LRRIQ1: variants seen among roughly 807,000 people sequenced by gnomAD.
The protein encoded by LRRIQ1 is leucine-rich repeat- and IQ domain-containing protein 1.
A neutral mutation model predicts 211.9 loss-of-function variants in LRRIQ1; 210 were observed. The observed-to-expected ratio is 0.99, with a 90% CI of 0.89 to 1.11. The LOEUF (loss-of-function observed/expected upper bound fraction) is 1.11, where lower values mean the gene tolerates loss of function less well. Ranked by LOEUF, LRRIQ1 falls within the 50% of genes most tolerant of loss-of-function variation. LRRIQ1 has a pLI of 0.00. For synonymous variants in LRRIQ1, 699 were observed against 650.1 expected (o/e 1.08, Z -1.14); for missense variants, 2,136 against 1,939.5 (o/e 1.10, Z -1.90).
intron 9 of LRRIQ1, 139 bp downstream of exon 9, chr12:85,065,553 T>A (rs961122399): frequency 4.9e-6 from 3 of 615,360 alleles, no homozygotes; most frequent in Non-Finnish European, 7.3e-6. Context: ...TCAGGTGGTA[T>A]GGTAAAGTTT....
chr12:85,260,269 A>T (rs143719431), intron 1 of LRRIQ1, among the ~76,000 whole-genome samples: 1 of 151,996 alleles, frequency 6.6e-6, no homozygotes, highest in South Asian at 2.1e-4. Flanking sequence ...CTGAGATTCA[A>T]TTCATACACT....
chr12:85,092,358 A>ATT (rs1216973055), intron 11 of LRRIQ1, among the ~76,000 whole-genome samples: 19 of 152,248 alleles, frequency 1.2e-4, no homozygotes, highest in African/African-American at 4.3e-4. Context: ...TATTTTATTT[A>ATT]TCATTTCCAT....
intron 26 of LRRIQ1, among the ~76,000 whole-genome samples, chr12:85,236,129 T>C (rs73165926): frequency 1.0e-3 from 156 of 152,188 alleles, no homozygotes; most frequent in Non-Finnish European, 1.9e-3. Context: ...TTCAGAAGGT[T>C]CAAAGATCCA....
chr12:85,229,911 A>G (rs1253043647), intron 25 of LRRIQ1, among the ~76,000 whole-genome samples: 3 of 152,232 alleles, frequency 2.0e-5, no homozygotes, highest in African/African-American at 7.2e-5. Context: ...TCTATAAAGT[A>G]AAAAATGTGG....
At chr12:85,262,140 A>G (rs1256029928) in intron 1 of LRRIQ1, among the ~76,000 whole-genome samples, 1 of 152,130 alleles carries the variant, frequency 6.6e-6, no homozygotes, top group Non-Finnish European at 1.5e-5. Flanking sequence ...TACTGAGTAA[A>G]CATTCTGAAT....
At position 85,057,995 on chromosome 12, in the gene LRRIQ1, T is replaced by G. The variant is rs115675660; in HGVS notation, c.2391+811T>G. On this transcript the variant is annotated intron_variant, in intron 8 of 26. Transcript: ENST00000393217. ...TCATATTAATAGATAAACATTATTTTGTTTATTCACTCAGCAAATATTCAT... is the reference window on the plus strand; with the variant it reads ...TCATATTAATAGATAAACATTATTTGGTTTATTCACTCAGCAAATATTCAT... 7.3e-3 allele frequency among the ~76,000 whole-genome samples: 1,106 copies of G among 152,160 alleles called. 21 individuals carry two copies. The highest frequency in any genetic ancestry group is 0.025 in the African/African-American group (1,047 of 41,566).
In LRRIQ1 at chr12:85,081,293, G is replaced by A. The variant is rs148829912; in HGVS notation, c.2887+8195G>A. Among the ~76,000 whole-genome samples, 198 of 152,142 alleles carry A rather than the reference G, an allele frequency of 1.3e-3. 1 individual carries two copies. Among genetic ancestry groups the A allele is most frequent in the African/African-American group, 4.6e-3 (190 of 41,510 alleles). On this transcript the variant is annotated intron_variant, in intron 11 of 26. Coordinates refer to ENST00000393217, the MANE Select transcript of LRRIQ1 (RefSeq NM_001079910.2). ...GGTAGTACCATTTTAATCCTTTAAT[G>A]TCTTGAGCAGATATGTTTATATAAT...
rs541937604 is a variant in LRRIQ1 at position 85,129,350 on chromosome 12, G to A, written c.4209+1317G>A. On this transcript the variant is annotated intron_variant, in intron 18 of 26. Transcript: ENST00000393217. The stretch of plus-strand genomic sequence containing the variant: ...AATAAAATAAGATCTGTAGAAATTC[G>A]TGTTAAATGATAGTAATTAAACAAA... Among the ~76,000 whole-genome samples, 14 of 152,260 alleles carry A rather than the reference G, an allele frequency of 9.2e-5. 1 individual carries two copies. Among genetic ancestry groups the A allele is most frequent in the Admixed American group, 2.6e-4 (4 of 15,292 alleles).
At chr12:85,260,735 G>C (rs1896261655) in intron 1 of LRRIQ1, among the ~76,000 whole-genome samples, 1 of 152,102 alleles carries the variant, frequency 6.6e-6, no homozygotes, top group South Asian at 2.1e-4. Context: ...CAAGATGAGG[G>C]TTTACTATTA....
chr12:85,185,342 G>A (rs1892174809), intron 24 of LRRIQ1, among the ~76,000 whole-genome samples: 1 of 151,590 alleles, frequency 6.6e-6, no homozygotes, highest in Non-Finnish European at 1.5e-5. Context: ...AATATTAAAG[G>A]TAAGGATTTT....
chr12:85,044,672 A>T, intron 3 of LRRIQ1, 46 bp from the exon 4 acceptor site: 1 of 974,872 alleles, frequency 1.0e-6, no homozygotes, highest in Non-Finnish European at 1.6e-6. Context: ...GAGATGTTGT[A>T]TTGTACTCTA....
chr12:85,075,547 C>T lies in LRRIQ1; in HGVS notation c.2887+2449C>T, dbSNP rs1217947455. Among the ~76,000 whole-genome samples the T allele has an allele frequency of 3.9e-5, 6 of 151,930 alleles. No individual in the cohort carries two copies. In the East Asian group the frequency reaches 1.2e-3, roughly 29 times the overall value. ...TGGTGGTGGTGGGGATATTGCCATA[C>T]ACTTTTAAATAACCAGATCTTGTGA... On this transcript the variant is annotated intron_variant, in intron 11 of 26. Coordinates refer to ENST00000393217, the MANE Select transcript of LRRIQ1 (RefSeq NM_001079910.2).
At chr12:85,062,205 AACTTTT>A (rs1490557611) in intron 8 of LRRIQ1, among the ~76,000 whole-genome samples, 5 of 151,906 alleles carry the variant, frequency 3.3e-5, no homozygotes, top group African/African-American at 1.2e-4. Context: ...AATGATTTTT[AACTTTT>A]ACTTTAAGTT....
rs1166017785 is a variant in LRRIQ1, at chr12:85,175,300, T to G, written c.4822+14586T>G. 2.0e-5 allele frequency among the ~76,000 whole-genome samples: 3 copies of G among 152,128 alleles called. No individual in the cohort carries two copies. The South Asian group carries it at 6.2e-4, about 31-fold the overall frequency. ...CTCAAGATGACAGCTCACACGGGCT[T>G]AGAGAATAAACATTCCATGATGACA... is the stretch of plus-strand genomic sequence containing the variant. On this transcript the variant is annotated intron_variant, in intron 24 of 26. Transcript: ENST00000393217.
chr12:85,198,891 T>C (rs1046417584), intron 24 of LRRIQ1, among the ~76,000 whole-genome samples: 1 of 152,142 alleles, frequency 6.6e-6, no homozygotes, highest in Admixed American at 6.6e-5. Flanking sequence ...TTTTATATGT[T>C]TGTTGGCCGA....
Position 85,121,859 on chromosome 12 carries a change from T to C in LRRIQ1, c.3540T>C (p.Asn1180=). 2 of 1,604,744 alleles carry C rather than the reference T, an allele frequency of 1.2e-6. No individual in the cohort carries two copies. Among genetic ancestry groups the C allele is most frequent in the Non-Finnish European group, 1.7e-6 (2 of 1,176,140 alleles). Residue 1180 remains asparagine (N), a synonymous_variant, in exon 16 of 27, where the codon AAT becomes AAC. Coordinates refer to ENST00000393217, the MANE Select transcript of LRRIQ1 (RefSeq NM_001079910.2). ...GAGAATTCAACTTGCTAATTGAAAATTATATAACTGGAAAAGGGTAAGATT... is the reference window on the plus strand; with the variant it reads ...GAGAATTCAACTTGCTAATTGAAAACTATATAACTGGAAAAGGGTAAGATT... The part of the protein sequence containing the change: ...QIREFNLLIE[N]YITGKGDVFT...
intron 26 of LRRIQ1, chr12:85,233,053 T>C: frequency 3.5e-6 from 1 of 285,034 alleles, no homozygotes; most frequent in Non-Finnish European, 6.5e-6. Flanking sequence ...TTCTTGGATA[T>C]TTTAGAAGAG....
chr12:85,148,286 A>C (rs533092672), intron 19 of LRRIQ1, among the ~76,000 whole-genome samples: 1 of 151,182 alleles, frequency 6.6e-6, no homozygotes, highest in East Asian at 2.0e-4. Flanking sequence ...CTGTCCTCAC[A>C]GATCCCTCTC....
At chr12:85,258,083 C>T (rs909193301) in intron 1 of LRRIQ1, among the ~76,000 whole-genome samples, 2 of 151,612 alleles carry the variant, frequency 1.3e-5, no homozygotes, top group African/African-American at 4.8e-5. Context: ...AATGAGATTC[C>T]CAACCCAATG....
Sources: allele counts gnomAD v4.1 joint callset (sites outside exome capture counted in the v4.1 genomes callset), GRCh38; gene constraint gnomAD v4.1.1; transcripts MANE v1.5; gene names NCBI Gene and HGNC (gene_info 2026-07-23, HGNC 2026-07-21).